The following EYS variants were observed in gnomAD, a reference collection of about 807,000 sequenced individuals.
EYS encodes the protein protein eyes shut homolog.
In EYS, 250 loss-of-function variants were observed where a neutral mutation model predicts 282.1. The ratio of observed to expected loss-of-function variants is 0.89; its 90% confidence interval spans 0.80 to 0.98. EYS has a LOEUF of 0.98. Among genes scored for constraint, EYS ranks in the 50% least tolerant of loss-of-function variants. The pLI, the probability that EYS is intolerant of heterozygous loss-of-function variation, is 0.00. For synonymous variants in EYS, 1,355 were observed against 1,282.9 expected, an observed-to-expected ratio of 1.06 and a Z score of -1.20; for missense variants, 4,016 against 3,709.0, an observed-to-expected ratio of 1.08 and a Z score of -2.15.
intron 31 of EYS, among the ~76,000 whole-genome samples, chr6:64,159,508 C>T (rs1263296692): frequency 6.9e-6 from 1 of 145,844 alleles, no homozygotes; most frequent in Admixed American, 7.1e-5. Context: ...TGTAGAGAGC[C>T]GAGATCGCAC....
intron 22 of EYS, among the ~76,000 whole-genome samples, chr6:64,784,291 T>G (rs1452413502): frequency 5.9e-5 from 9 of 152,140 alleles, no homozygotes; most frequent in Non-Finnish European, 1.3e-4. Context: ...AATTTTTAAA[T>G]TAGATTATTA....
chr6:64,199,788 A>G (rs886755802), intron 31 of EYS, among the ~76,000 whole-genome samples: 32 of 152,244 alleles, frequency 2.1e-4, no homozygotes, highest in Admixed American at 3.9e-4. Context: ...TCAAAAGAAG[A>G]CATTTATGTG....
intron 12 of EYS, among the ~76,000 whole-genome samples, chr6:65,153,401 G>C (rs993173625): frequency 6.7e-6 from 1 of 149,994 alleles, no homozygotes; most frequent in East Asian, 2.0e-4. Flanking sequence ...GTGTGTGTGT[G>C]TGTGTGTGTG....
chr6:64,786,104 A>T (rs1774007223), intron 22 of EYS, among the ~76,000 whole-genome samples: 2 of 152,144 alleles, frequency 1.3e-5, no homozygotes, highest in South Asian at 4.1e-4. Context: ...CTAGCAGAAT[A>T]TAACTCAGGT....
At chr6:64,506,630 A>C (rs1283774215) in intron 26 of EYS, among the ~76,000 whole-genome samples, 2 of 152,112 alleles carry the variant, frequency 1.3e-5, no homozygotes, top group Non-Finnish European at 2.9e-5. Flanking sequence ...TGCCTTACCT[A>C]GGCCGGGCAT....
At chr6:65,699,077 C>T (rs1873293) in intron 1 of EYS, among the ~76,000 whole-genome samples, 78,208 of 152,014 alleles carry the variant, frequency 0.51, 21,551 homozygotes, top group Non-Finnish European at 0.61. Context: ...TTCTCCCAAT[C>T]TTTCTTACCA....
At chr6:64,902,706 A>T (rs1412671263) in intron 16 of EYS, among the ~76,000 whole-genome samples, 2 of 152,160 alleles carry the variant, frequency 1.3e-5, no homozygotes, top group Non-Finnish European at 2.9e-5. Flanking sequence ...AGTTTAAATG[A>T]AATATTCAAG....
chr6:65,530,305 C>T (rs955569414), intron 2 of EYS, among the ~76,000 whole-genome samples: 2 of 152,048 alleles, frequency 1.3e-5, no homozygotes, highest in African/African-American at 4.8e-5. Flanking sequence ...ACTCTTTGAC[C>T]CAGCTCCAAA....
chr6:64,657,015 T>G (rs1768775439), intron 22 of EYS, among the ~76,000 whole-genome samples: 1 of 152,224 alleles, frequency 6.6e-6, no homozygotes, highest in African/African-American at 2.4e-5. Flanking sequence ...CTCTAAGGAC[T>G]TGCTTTATGA....
chr6:63,896,678 C>G (rs753171827), intron 35 of EYS, among the ~76,000 whole-genome samples: 10 of 152,210 alleles, frequency 6.6e-5, no homozygotes, highest in Non-Finnish European at 1.3e-4. Flanking sequence ...AATATTTTCT[C>G]TGCCCTCAAA....
At chr6:65,677,674 C>T (rs896590753) in intron 1 of EYS, among the ~76,000 whole-genome samples, 3 of 151,844 alleles carry the variant, frequency 2.0e-5, no homozygotes, top group Non-Finnish European at 4.4e-5. Context: ...AATTCCAATG[C>T]CATTTCATTT....
chr6:65,447,204 T>C (rs550588211), intron 5 of EYS, among the ~76,000 whole-genome samples: 1 of 151,020 alleles, frequency 6.6e-6, no homozygotes, highest in East Asian at 1.9e-4. Flanking sequence ...TCATCTGTCT[T>C]CCCCAATGTT....
intron 12 of EYS, among the ~76,000 whole-genome samples, chr6:65,256,437 A>T (rs924795181): frequency 1.6e-5 from 2 of 125,448 alleles, no homozygotes; most frequent in Non-Finnish European, 1.6e-5. Flanking sequence ...TCCCCACCAC[A>T]GTCCCCAGAG....
intron 12 of EYS, among the ~76,000 whole-genome samples, chr6:65,244,582 T>G (rs1256523931): frequency 6.6e-6 from 1 of 152,090 alleles, no homozygotes; most frequent in Non-Finnish European, 1.5e-5. Context: ...GCGCGATCTC[T>G]GCTGACTGCA....
At chr6:64,823,788 T>G (rs947263580) in intron 19 of EYS, among the ~76,000 whole-genome samples, 5 of 151,968 alleles carry the variant, frequency 3.3e-5, no homozygotes, top group Non-Finnish European at 7.4e-5. Context: ...CTCTGACTTG[T>G]GCTTCTGATC....
At chr6:65,362,430 T>C (rs1764745342) in intron 8 of EYS, among the ~76,000 whole-genome samples, 1 of 152,052 alleles carries the variant, frequency 6.6e-6, no homozygotes, top group Admixed American at 6.6e-5. Flanking sequence ...TATTTTACTA[T>C]TTGGGAGTAA....
At chr6:65,287,515 T>C (rs1768399377) in intron 12 of EYS, among the ~76,000 whole-genome samples, 1 of 151,472 alleles carries the variant, frequency 6.6e-6, no homozygotes. Context: ...CACATAACCT[T>C]TTCCTTCCTG....
At chr6:65,493,591 A>C (rs1766127639) in intron 4 of EYS, among the ~76,000 whole-genome samples, 1 of 152,084 alleles carries the variant, frequency 6.6e-6, no homozygotes, top group South Asian at 2.1e-4. Context: ...CTTTCCTCCG[A>C]TGACCCCAGA....
At chr6:64,667,954 TA>T (rs1166567763) in intron 22 of EYS, among the ~76,000 whole-genome samples, 4 of 152,128 alleles carry the variant, frequency 2.6e-5, no homozygotes, top group Non-Finnish European at 4.4e-5. Flanking sequence ...CTGGAGGGCT[TA>T]AAAATTCAGC....
Sources: allele counts gnomAD v4.1 joint callset (sites outside exome capture counted in the v4.1 genomes callset), GRCh38; gene constraint gnomAD v4.1.1; transcripts MANE v1.5; gene names NCBI Gene and HGNC (gene_info 2026-07-23, HGNC 2026-07-21).